Variants in FAM13A observed in about 807,000 individuals in gnomAD.
FAM13A encodes protein FAM13A.
FAM13A carries 76 observed loss-of-function variants against 129.6 expected under a neutral mutation model. That is an observed-to-expected ratio of 0.59 (90% CI 0.49 to 0.71). FAM13A has a LOEUF of 0.71. Among genes scored for constraint, FAM13A ranks in the 30% least tolerant of loss-of-function variants. The pLI, the probability that FAM13A is intolerant of heterozygous loss-of-function variation, is 0.00. For synonymous variants in FAM13A, 443 were observed against 449.9 expected (o/e 0.98, Z 0.20); for missense variants, 1,108 against 1,249.3 (o/e 0.89, Z 1.70).
At chr4:88,829,113 GA>G (rs1377928443) in intron 7 of FAM13A, among the ~76,000 whole-genome samples, 9 of 152,086 alleles carry the variant, frequency 5.9e-5, no homozygotes, top group Non-Finnish European at 8.8e-5. Context: ...AACAACCAAA[GA>G]ACCAAGAACA....
intron 11 of FAM13A, among the ~76,000 whole-genome samples, chr4:88,780,847 G>A (rs1722697754): frequency 6.6e-6 from 1 of 150,874 alleles, no homozygotes. Flanking sequence ...AAATAGAATG[G>A]GGAAAAAGAA....
At chr4:89,023,425 TG>T (rs1560842523) in intron 2 of FAM13A, among the ~76,000 whole-genome samples, 1 of 152,058 alleles carries the variant, frequency 6.6e-6, no homozygotes, top group Non-Finnish European at 1.5e-5. Flanking sequence ...TGATTTCACA[TG>T]ATGTTGTTTT....
intron 5 of FAM13A, among the ~76,000 whole-genome samples, chr4:88,909,526 T>C (rs1195490087): frequency 6.6e-6 from 1 of 151,918 alleles, no homozygotes; most frequent in Non-Finnish European, 1.5e-5. Context: ...CTCGCTCTGT[T>C]GCCAGGCTGG....
intron 4 of FAM13A, among the ~76,000 whole-genome samples, chr4:88,979,762 G>A (rs1761415684): frequency 6.6e-6 from 1 of 152,114 alleles, no homozygotes; most frequent in African/African-American, 2.4e-5. Context: ...CATGAGGTCA[G>A]GAGTTCAAGA....
chr4:89,038,531 G>A (rs780869089), intron 1 of FAM13A, among the ~76,000 whole-genome samples: 7 of 151,922 alleles, frequency 4.6e-5, no homozygotes, highest in Admixed American at 2.6e-4. Context: ...ATGGAACACC[G>A]CTGGGCAAAT....
intron 14 of FAM13A, 65 bp from the exon 15 acceptor site, chr4:88,750,702 A>C: frequency 1.6e-6 from 2 of 1,267,790 alleles, no homozygotes; most frequent in Non-Finnish European, 2.3e-6. Context: ...TCTTTAAAAC[A>C]CAAGTGTTTC....
intron 3 of FAM13A, among the ~76,000 whole-genome samples, chr4:89,000,754 T>C (rs1207078112): frequency 1.3e-5 from 2 of 152,124 alleles, no homozygotes; most frequent in Non-Finnish European, 2.9e-5. Context: ...AAATTAAGCA[T>C]GGGAAAAGAA....
intron 8 of FAM13A, among the ~76,000 whole-genome samples, chr4:88,798,738 T>G (rs1726778926): frequency 6.6e-6 from 1 of 152,230 alleles, no homozygotes; most frequent in African/African-American, 2.4e-5. Context: ...TCATTGGATA[T>G]TAAATAGAAA....
At chr4:88,956,700 G>A (rs1296159689) in intron 4 of FAM13A, among the ~76,000 whole-genome samples, 3 of 152,098 alleles carry the variant, frequency 2.0e-5, no homozygotes, top group African/African-American at 7.2e-5. Flanking sequence ...GTCTTAACAG[G>A]GGTCAGGTCC....
chr4:88,791,704 C>T (rs1303562866), intron 8 of FAM13A, among the ~76,000 whole-genome samples: 2 of 152,072 alleles, frequency 1.3e-5, no homozygotes, highest in African/African-American at 4.8e-5. Context: ...CTTTCAATTA[C>T]TCCAAACATT....
intron 1 of FAM13A, among the ~76,000 whole-genome samples, chr4:89,042,117 G>A (rs886979262): frequency 5.1e-5 from 6 of 117,370 alleles, no homozygotes; most frequent in South Asian, 2.7e-4. Context: ...GTAAATAGAC[G>A]TTGCTGGGAC....
intron 3 of FAM13A, among the ~76,000 whole-genome samples, chr4:89,011,093 C>T (rs1167293171): frequency 6.6e-6 from 1 of 152,258 alleles, no homozygotes; most frequent in South Asian, 2.1e-4. Flanking sequence ...GGTGATCCTC[C>T]CATCTCGGCC....
chr4:88,955,901 A>T (rs889010931), intron 4 of FAM13A, among the ~76,000 whole-genome samples: 5 of 152,200 alleles, frequency 3.3e-5, no homozygotes, highest in Admixed American at 2.6e-4. Context: ...TAGAAAAGAA[A>T]AACCCATTTT....
At chr4:88,799,633 C>T (rs184738130) in intron 8 of FAM13A, among the ~76,000 whole-genome samples, 7 of 152,258 alleles carry the variant, frequency 4.6e-5, no homozygotes, top group Admixed American at 6.5e-5. Context: ...TACAGATGCA[C>T]GCCACCATGC....
chr4:88,978,417 C>A (rs907185026), intron 4 of FAM13A, among the ~76,000 whole-genome samples: 44 of 152,030 alleles, frequency 2.9e-4, no homozygotes, highest in African/African-American at 1.0e-3. Flanking sequence ...AAATTCCTGG[C>A]TGTAAGTAAA....
At chr4:88,949,363 T>A (rs1431494618) in intron 4 of FAM13A, among the ~76,000 whole-genome samples, 1 of 152,146 alleles carries the variant, frequency 6.6e-6, no homozygotes, top group Non-Finnish European at 1.5e-5. Flanking sequence ...ATACATTCCA[T>A]GCAGATACTA....
At chr4:88,771,483 G>T (rs1243343768) in intron 11 of FAM13A, among the ~76,000 whole-genome samples, 1 of 152,056 alleles carries the variant, frequency 6.6e-6, no homozygotes, top group African/African-American at 2.4e-5. Flanking sequence ...GTCTTTTGAA[G>T]GTTTTAAACT....
intron 6 of FAM13A, among the ~76,000 whole-genome samples, chr4:88,856,869 G>A (rs1738601140): frequency 6.6e-6 from 1 of 152,096 alleles, no homozygotes; most frequent in South Asian, 2.1e-4. Flanking sequence ...TCAGAAAAGA[G>A]ATGCTTAGTT....
intron 6 of FAM13A, 70 bp from the exon 7 acceptor site, chr4:88,851,253 G>C (rs1215902809): frequency 1.5e-6 from 2 of 1,341,304 alleles, no homozygotes; most frequent in East Asian, 2.4e-5. Flanking sequence ...TTAAGTTTAT[G>C]ATAAAAGACA....
Sources: allele counts gnomAD v4.1 joint callset (sites outside exome capture counted in the v4.1 genomes callset), GRCh38; gene constraint gnomAD v4.1.1; transcripts MANE v1.5; gene names NCBI Gene and HGNC (gene_info 2026-07-23, HGNC 2026-07-21).